GRIN2A: variants seen among roughly 807,000 people sequenced by gnomAD.
GRIN2A encodes the protein glutamate receptor ionotropic, NMDA 2A.
In GRIN2A, 22 loss-of-function variants were observed where a neutral mutation model predicts 113.4. That is an observed-to-expected ratio of 0.19 (90% confidence interval 0.14 to 0.28). GRIN2A has a LOEUF of 0.28. Ranked by LOEUF, GRIN2A falls within the 10% of genes least tolerant of loss-of-function variation. GRIN2A has a pLI of 1.00. For synonymous variants in GRIN2A, 827 were observed against 738.4 expected, an observed-to-expected ratio of 1.12 and a Z score of -1.94; for missense variants, 1,502 against 1,887.0, an observed-to-expected ratio of 0.80 and a Z score of 3.78.
At chr16:10,088,564 G>C (rs1033219405) in intron 2 of GRIN2A, among the ~76,000 whole-genome samples, 1 of 152,210 alleles carries the variant, frequency 6.6e-6, no homozygotes, top group African/African-American at 2.4e-5. Flanking sequence ...GCTGTCTGGG[G>C]AACATGCAGT....
chr16:9,907,879 G>T (rs1365253122), intron 3 of GRIN2A, among the ~76,000 whole-genome samples: 1 of 152,064 alleles, frequency 6.6e-6, no homozygotes, highest in East Asian at 1.9e-4. Context: ...TTGCTGGAGG[G>T]TAAGCTCCCG....
chr16:9,973,010 T>C (rs904508721), intron 2 of GRIN2A, among the ~76,000 whole-genome samples: 2 of 152,168 alleles, frequency 1.3e-5, no homozygotes, highest in Non-Finnish European at 2.9e-5. Context: ...GGCGTTAAAA[T>C]TGTCCTCCTG....
chr16:10,115,076 A>G (rs928213049), intron 2 of GRIN2A, among the ~76,000 whole-genome samples: 2 of 152,216 alleles, frequency 1.3e-5, no homozygotes, highest in South Asian at 2.1e-4. Context: ...CTTGCTGTGC[A>G]TGTTCCTTCC....
chr16:9,802,853 G>A (rs979953849), intron 10 of GRIN2A, among the ~76,000 whole-genome samples: 9 of 152,040 alleles, frequency 5.9e-5, no homozygotes, highest in African/African-American at 1.7e-4. Context: ...TAATGTAGGG[G>A]GTCCCACGTG....
rs144562726 is a variant in GRIN2A at position 10,102,670 on chromosome 16, C to T, written c.414+77328G>A. On this transcript the variant is annotated intron_variant, in intron 2 of 12. Coordinates refer to ENST00000330684, the MANE Select transcript of GRIN2A (RefSeq NM_001134407.3). ...CAAGCAATTCTTGTGCCTCAGCCTC[C>T]CAAGTAGCTGGGATTACAGGCATGC... is the stretch of plus-strand genomic sequence containing the variant. Among the ~76,000 whole-genome samples the T allele has an allele frequency of 8.2e-3, 1,247 of 152,188 alleles. 20 individuals are homozygous for T. Among genetic ancestry groups the T allele is most frequent in the African/African-American group, 0.029 (1,197 of 41,508 alleles).
At chr16:9,885,065 C>T (rs946574156) in intron 4 of GRIN2A, among the ~76,000 whole-genome samples, 4 of 152,038 alleles carry the variant, frequency 2.6e-5, no homozygotes, top group African/African-American at 4.8e-5. Flanking sequence ...CCCAAGTTCA[C>T]CCTTCTCTCC....
chr16:9,772,629 G>C (rs571355691), intron 11 of GRIN2A, among the ~76,000 whole-genome samples: 51 of 152,254 alleles, frequency 3.3e-4, no homozygotes, highest in African/African-American at 1.2e-3. Flanking sequence ...ACCTGGCTCA[G>C]CCTCCCAAAG....
intron 2 of GRIN2A, among the ~76,000 whole-genome samples, chr16:10,005,913 C>CA (rs2141853884): frequency 6.6e-6 from 1 of 152,308 alleles, no homozygotes; most frequent in South Asian, 2.1e-4. Context: ...TTTACACAAA[C>CA]CTCTGAGTGT....
intron 2 of GRIN2A, among the ~76,000 whole-genome samples, chr16:9,983,663 T>C (rs2045930781): frequency 6.6e-6 from 1 of 152,142 alleles, no homozygotes; most frequent in Non-Finnish European, 1.5e-5. Flanking sequence ...ATAGTCTCTA[T>C]CTCCTCACCT....
intron 2 of GRIN2A, among the ~76,000 whole-genome samples, chr16:10,143,942 G>A (rs1274635509): frequency 3.9e-5 from 6 of 152,002 alleles, no homozygotes; most frequent in African/African-American, 1.5e-4. Flanking sequence ...TTCCAGCCTG[G>A]GCAACAGAGT....
At chr16:10,073,921 A>AC (rs935132534) in intron 2 of GRIN2A, among the ~76,000 whole-genome samples, 2 of 9,098 alleles carry the variant, frequency 2.2e-4, no homozygotes, top group South Asian at 6.1e-3. Context: ...CCCCCGTCAC[A>AC]AAAAAAAAAA....
chr16:10,081,631 A>G lies in GRIN2A; in HGVS notation c.414+98367T>C, dbSNP rs1043820251. ...ACTGGGGATAGTTGTAAAAACAAAT[A>G]GAACTTCTCTCTGCCTAGAGGTTTC... On this transcript the variant is annotated intron_variant, in intron 2 of 12. Coordinates refer to ENST00000330684, the MANE Select transcript of GRIN2A (RefSeq NM_001134407.3). 4.9e-4 allele frequency among the ~76,000 whole-genome samples: 75 copies of G among 152,240 alleles called. 1 individual carries two copies. Among genetic ancestry groups the G allele is most frequent in the Non-Finnish European group, 2.8e-4 (19 of 68,044 alleles).
At chr16:9,796,401 C>T (rs931573941) in intron 11 of GRIN2A, among the ~76,000 whole-genome samples, 1 of 152,190 alleles carries the variant, frequency 6.6e-6, no homozygotes, top group Admixed American at 6.5e-5. Flanking sequence ...TGATTATCCA[C>T]CCCTGTGATA....
At chr16:10,123,099 C>T (rs1486331697) in intron 2 of GRIN2A, among the ~76,000 whole-genome samples, 38 of 152,136 alleles carry the variant, frequency 2.5e-4, no homozygotes, top group Admixed American at 2.4e-3. Context: ...AAAGTTTTTT[C>T]CCAGCACAGG....
chr16:10,149,683 G>C (rs959212680), intron 2 of GRIN2A, among the ~76,000 whole-genome samples: 2 of 152,094 alleles, frequency 1.3e-5, no homozygotes, highest in Non-Finnish European at 2.9e-5. Context: ...ATCCTGTCCT[G>C]TCTCCACCTG....
intron 2 of GRIN2A, chr16:10,112,394 C>T (rs1009424830): frequency 6.4e-5 from 44 of 690,172 alleles, no homozygotes; most frequent in South Asian, 1.3e-4. Context: ...TGATGGCCTG[C>T]GGTCAGCCCC....
chr16:9,860,363 A>C (rs776903622), intron 4 of GRIN2A, among the ~76,000 whole-genome samples: 4 of 146,676 alleles, frequency 2.7e-5, no homozygotes, highest in Non-Finnish European at 4.5e-5. Flanking sequence ...CATGAGAATC[A>C]CTTGAACCCA....
At chr16:10,071,289 T>A (rs17570290) in intron 2 of GRIN2A, among the ~76,000 whole-genome samples, 1 of 152,144 alleles carries the variant, frequency 6.6e-6, no homozygotes, top group Admixed American at 6.5e-5. Flanking sequence ...TGTAGGAAGC[T>A]TATTGGTTCT....
At chr16:9,995,666 T>C (rs563975979) in intron 2 of GRIN2A, among the ~76,000 whole-genome samples, 2 of 147,150 alleles carry the variant, frequency 1.4e-5, no homozygotes, top group Admixed American at 6.7e-5. Flanking sequence ...ACCTCTGATC[T>C]CCCAGTGTAT....
Sources: gnomAD v4.1 joint callset for allele counts (sites outside exome capture counted in the v4.1 genomes callset) on GRCh38, gnomAD v4.1.1 for gene constraint, MANE v1.5 for transcripts, NCBI Gene and HGNC (gene_info 2026-07-23, HGNC 2026-07-21) for gene names.